The following GALNT18 variants were observed in gnomAD, a reference collection of about 807,000 sequenced individuals.
GALNT18 encodes polypeptide N-acetylgalactosaminyltransferase 18.
A neutral mutation model predicts 69.5 loss-of-function variants in GALNT18; 44 were observed. The observed-to-expected ratio is 0.63, with a 90% confidence interval of 0.50 to 0.81. The LOEUF (loss-of-function observed/expected upper bound fraction) is 0.81. GALNT18 is among the 40% of genes least tolerant of loss of function. GALNT18 has a pLI of 0.00. For synonymous variants in GALNT18, 364 were observed against 318.2 expected, an observed-to-expected ratio of 1.14 and a Z score of -1.53; for missense variants, 715 against 810.0, an observed-to-expected ratio of 0.88 and a Z score of 1.42.
At chr11:11,550,977 A>C (rs1858173729) in intron 1 of GALNT18, among the ~76,000 whole-genome samples, 1 of 151,966 alleles carries the variant, frequency 6.6e-6, no homozygotes, top group Non-Finnish European at 1.5e-5. Flanking sequence ...TGAGGTGTGC[A>C]ATGGGGGAAT....
chr11:11,322,147 A>G (rs67402143), intron 9 of GALNT18, among the ~76,000 whole-genome samples: 26,740 of 152,272 alleles, frequency 0.18, 2,764 homozygotes, highest in Admixed American at 0.33. Context: ...AAATCCTCAC[A>G]ACAACCTTTT....
intron 1 of GALNT18, among the ~76,000 whole-genome samples, chr11:11,551,822 T>C (rs1000885101): frequency 1.3e-5 from 2 of 152,126 alleles, no homozygotes; most frequent in Non-Finnish European, 2.9e-5. Context: ...TTAGTTCTTA[T>C]AGGTTTTGGG....
At chr11:11,424,830 CAA>C (rs1482546786) in intron 3 of GALNT18, among the ~76,000 whole-genome samples, 2 of 152,112 alleles carry the variant, frequency 1.3e-5, no homozygotes, top group African/African-American at 4.8e-5. Context: ...TGGAGCTAAG[CAA>C]AGTGGGTGGG....
In GALNT18 at chr11:11,538,643, G is replaced by A. The variant is rs1857839641; in HGVS notation, c.235+82716C>T. ...ATGAAGCACAGGCTGACCTGATAGT[G>A]AGTCCTCCCTTCCTAGAGGTGCCTC... On this transcript the variant is annotated intron_variant, in intron 1 of 10. Coordinates refer to ENST00000227756, the MANE Select transcript of GALNT18 (RefSeq NM_198516.3). This position sits in a 1 kb window ranked among gnomAD's most constrained non-coding sequence, Gnocchi z 5.2. 6.6e-6 allele frequency among the ~76,000 whole-genome samples: 1 copy of A among 152,202 alleles called. No homozygotes were observed. The highest frequency in any genetic ancestry group is 1.9e-4 in the East Asian group (1 of 5,172).
intron 7 of GALNT18, among the ~76,000 whole-genome samples, chr11:11,333,685 G>C (rs1307760073): frequency 6.6e-6 from 1 of 152,030 alleles, no homozygotes; most frequent in African/African-American, 2.4e-5. Flanking sequence ...CCTTTCTCAG[G>C]AGCATCAGAG....
chr11:11,431,838 A>G (rs1589996164), intron 3 of GALNT18, among the ~76,000 whole-genome samples: 2 of 152,320 alleles, frequency 1.3e-5, no homozygotes, highest in East Asian at 3.9e-4. Flanking sequence ...GAAATCATGC[A>G]TTATCAGAAA....
intron 1 of GALNT18, among the ~76,000 whole-genome samples, chr11:11,569,424 C>A (rs9919560): frequency 0.22 from 32,978 of 152,004 alleles, 4,506 homozygotes; most frequent in South Asian, 0.38. Context: ...ACTTTTAGAT[C>A]ACTAAATACA....
rs1859374459 is a variant in GALNT18 at position 11,592,175 on chromosome 11, A to G, written c.235+29184T>C. On this transcript the variant is annotated intron_variant, in intron 1 of 10. Transcript: ENST00000227756. The surrounding 1 kb of genome is among the most constrained non-coding windows in gnomAD (Gnocchi z 5.9). ...TAAGGAGATTCCTATTTCTCTAAGC[A>G]AGTCCCTAGAAACATCATCAATCTG... Among the ~76,000 whole-genome samples, 1 of 152,228 alleles carries G rather than the reference A, an allele frequency of 6.6e-6. No homozygotes were observed.
At chr11:11,533,869 G>A (rs181366819) in intron 1 of GALNT18, among the ~76,000 whole-genome samples, 25 of 152,310 alleles carry the variant, frequency 1.6e-4, no homozygotes, top group South Asian at 4.1e-4. Context: ...AAACAAAGGT[G>A]ACGTGGCATG....
intron 3 of GALNT18, among the ~76,000 whole-genome samples, chr11:11,405,366 C>T (rs1854567026): frequency 6.6e-6 from 1 of 152,198 alleles, no homozygotes; most frequent in Non-Finnish European, 1.5e-5. Flanking sequence ...ATGGTTATCT[C>T]CTCCACAGAG....
At chr11:11,277,375 T>C (rs1461505166) in intron 10 of GALNT18, among the ~76,000 whole-genome samples, 2 of 152,212 alleles carry the variant, frequency 1.3e-5, no homozygotes, top group Non-Finnish European at 2.9e-5. Flanking sequence ...TCATTTTTTA[T>C]TGCATCTATT....
chr11:11,412,905 C>T (rs1455354012), intron 3 of GALNT18, among the ~76,000 whole-genome samples: 1 of 152,124 alleles, frequency 6.6e-6, no homozygotes, highest in Non-Finnish European at 1.5e-5. Context: ...ATTAACACCC[C>T]CAGAAAGCAA....
intron 1 of GALNT18, among the ~76,000 whole-genome samples, chr11:11,516,521 C>T (rs1857280295): frequency 6.6e-6 from 1 of 152,182 alleles, no homozygotes; most frequent in African/African-American, 2.4e-5. Flanking sequence ...GTCCCAGCTA[C>T]TCAGGAGGCT....
At chr11:11,556,025 A>G (rs557846992) in intron 1 of GALNT18, among the ~76,000 whole-genome samples, 1 of 152,350 alleles carries the variant, frequency 6.6e-6, no homozygotes, top group South Asian at 2.1e-4. Context: ...GTGCCAGGTC[A>G]TGGATGAAGC....
chr11:11,463,772 A>G lies in GALNT18; in HGVS notation c.236-14836T>C, dbSNP rs1280653565. On this transcript the variant is annotated intron_variant, in intron 1 of 10. Transcript: ENST00000227756. This position sits in a 1 kb window ranked among gnomAD's most constrained non-coding sequence, Gnocchi z 4.2. ...ATCAAAGGAAATAGGCCATTTTCAA[A>G]CAAAATCCATTTCTTGAGCATGACG... 6.6e-6 allele frequency among the ~76,000 whole-genome samples: 1 copy of G among 152,242 alleles called. No homozygotes were observed. Among genetic ancestry groups the G allele is most frequent in the Admixed American group, 6.5e-5 (1 of 15,286 alleles).
In GALNT18 at chr11:11,605,664, T is replaced by G. The variant is rs1399877603; in HGVS notation, c.235+15695A>C. On this transcript the variant is annotated intron_variant, in intron 1 of 10. Transcript: ENST00000227756. The surrounding 1 kb of genome is among the most constrained non-coding windows in gnomAD (Gnocchi z 4.7). Reference sequence around the variant, plus strand: ...CAGGTGTCAATTAAAATGACTTCAATGCTGTCTCTCCTCTTGAAGCAGAAA... The same window carrying G: ...CAGGTGTCAATTAAAATGACTTCAAGGCTGTCTCTCCTCTTGAAGCAGAAA... 1.3e-5 allele frequency among the ~76,000 whole-genome samples: 2 copies of G among 152,228 alleles called. No homozygotes were observed. The highest frequency in any genetic ancestry group is 4.8e-5 in the African/African-American group (2 of 41,468).
At chr11:11,300,701 G>A (rs1175668288) in intron 9 of GALNT18, among the ~76,000 whole-genome samples, 1 of 152,198 alleles carries the variant, frequency 6.6e-6, no homozygotes, top group Non-Finnish European at 1.5e-5. Context: ...GAATATCTGA[G>A]AGCAAATGAA....
intron 1 of GALNT18, among the ~76,000 whole-genome samples, chr11:11,572,601 C>T (rs2133999695): frequency 6.6e-6 from 1 of 152,308 alleles, no homozygotes; most frequent in Admixed American, 6.5e-5. Flanking sequence ...TTCAGCTTTC[C>T]TGCTATGTCC....
intron 1 of GALNT18, among the ~76,000 whole-genome samples, chr11:11,578,056 G>A (rs1378088627): frequency 6.6e-6 from 1 of 152,194 alleles, no homozygotes; most frequent in Non-Finnish European, 1.5e-5. Context: ...AGAGGGAATG[G>A]TTTTCTTGCC....
Sources: allele counts gnomAD v4.1 joint callset (sites outside exome capture counted in the v4.1 genomes callset), GRCh38; gene constraint gnomAD v4.1.1; non-coding constraint Gnocchi (gnomAD v3.1); transcripts MANE v1.5; gene names NCBI Gene and HGNC (gene_info 2026-07-23, HGNC 2026-07-21).